DUSP16: variants seen among roughly 807,000 people sequenced by gnomAD.
DUSP16 encodes the protein dual specificity phosphatase 16, also known as dual specificity protein phosphatase 16.
Under a neutral mutation model 58.3 loss-of-function variants are expected in DUSP16, and 21 were observed. That is an observed-to-expected ratio of 0.36 (90% CI 0.26 to 0.52). The LOEUF (loss-of-function observed/expected upper bound fraction) is 0.52. Among genes scored for constraint, DUSP16 ranks in the 20% least tolerant of loss-of-function variants. DUSP16 has a pLI of 0.94. For missense variants in DUSP16, 726 were observed against 819.0 expected (o/e 0.89, Z 1.39); for synonymous variants, 320 against 323.8 (o/e 0.99, Z 0.12).
At position 12,476,737 on chromosome 12, in the gene DUSP16, T is replaced by A. The variant is rs978547301; in HGVS notation, c.*96A>T. 14 of 1,193,424 alleles carry A rather than the reference T, an allele frequency of 1.2e-5. No homozygotes were observed. Among genetic ancestry groups the A allele is most frequent in the Non-Finnish European group, 1.6e-5 (14 of 863,922 alleles). 73.9% of individuals were successfully genotyped at this position (1,193,424 alleles called of 1,614,324 possible). A position where few individuals can be genotyped will look rare whatever the true frequency, so the allele number is the denominator to read the frequency against. On this transcript the variant is annotated 3_prime_UTR_variant, in exon 7 of 7. Transcript: ENST00000298573. ...ACCATAGCTCCATTTTCCAAAAATA[T>A]ATATGTATGTACATATATATATTTC...
intron 3 of DUSP16, among the ~76,000 whole-genome samples, chr12:12,504,749 T>C (rs932733997): frequency 1.3e-5 from 2 of 150,104 alleles, no homozygotes; most frequent in African/African-American, 4.9e-5. Context: ...TGGTGGAGTA[T>C]TCCTGTAGTT....
intron 4 of DUSP16, among the ~76,000 whole-genome samples, chr12:12,493,091 T>C (rs1429107866): frequency 6.6e-6 from 1 of 152,126 alleles, no homozygotes; most frequent in Non-Finnish European, 1.5e-5. Flanking sequence ...CTCCCACCTT[T>C]ATACCTCCTC....
Position 12,562,329 on chromosome 12 carries a change from G to A in DUSP16, c.-578C>T, listed in dbSNP as rs1944918846. 6.6e-6 allele frequency: 1 copy of A among 151,524 alleles called. No individual in the cohort carries two copies. The highest frequency in any genetic ancestry group is 1.5e-5 in the Non-Finnish European group (1 of 67,892). The allele number at this position is 151,524 out of a possible 1,614,324, so 9.4% of individuals were successfully genotyped here. ...CCTTCTCTGAGGGGTGGGTTGGGGC[G>A]GGAGGCTTAGGAAGAGAGGAGACGC... On this transcript the variant is annotated 5_prime_UTR_variant, in exon 1 of 7. Coordinates refer to ENST00000298573, the MANE Select transcript of DUSP16 (RefSeq NM_030640.3).
At chr12:12,551,134 A>G (rs955808321) in intron 1 of DUSP16, among the ~76,000 whole-genome samples, 1 of 151,762 alleles carries the variant, frequency 6.6e-6, no homozygotes, top group African/African-American at 2.4e-5. Context: ...GACAATTTAC[A>G]CTTATTCAGA....
intron 1 of DUSP16, among the ~76,000 whole-genome samples, chr12:12,544,181 C>T (rs926528615): frequency 9.2e-5 from 14 of 152,062 alleles, no homozygotes; most frequent in Non-Finnish European, 1.5e-5. Context: ...AAGGTAACCA[C>T]GAACCTGACT....
intron 1 of DUSP16, among the ~76,000 whole-genome samples, chr12:12,550,855 C>T (rs570006867): frequency 1.3e-5 from 2 of 151,660 alleles, no homozygotes; most frequent in Admixed American, 6.6e-5. Flanking sequence ...CAAACCTGCA[C>T]GTGCTGCACA....
intron 4 of DUSP16, among the ~76,000 whole-genome samples, chr12:12,489,046 C>CGATCTTGT (rs1467662017): frequency 6.6e-6 from 1 of 152,212 alleles, no homozygotes; most frequent in Non-Finnish European, 1.5e-5. Context: ...CGCCATTGCA[C>CGATCTTGT]TCCAGCCTGG....
intron 1 of DUSP16, among the ~76,000 whole-genome samples, chr12:12,523,933 G>A (rs1944268938): frequency 6.6e-6 from 1 of 152,204 alleles, no homozygotes; most frequent in Non-Finnish European, 1.5e-5. Flanking sequence ...GAGAACAAGA[G>A]CAAGTTGATT....
At position 12,512,751 on chromosome 12, in the gene DUSP16, T is replaced by C. The variant is rs151251636; in HGVS notation, c.367+7111A>G. 8.5e-3 allele frequency among the ~76,000 whole-genome samples: 1,291 copies of C among 152,286 alleles called. 23 individuals carry two copies. The highest frequency in any genetic ancestry group is 0.029 in the African/African-American group (1,208 of 41,556). On this transcript the variant is annotated intron_variant, in intron 3 of 6. Coordinates refer to ENST00000298573, the MANE Select transcript of DUSP16 (RefSeq NM_030640.3). ...GTGACTCTCAGTCACTGTAGTTTTT[T>C]AGACCCAAGAGCAGCCAGTTCCTTA...
At chr12:12,554,518 T>A (rs533862201) in intron 1 of DUSP16, 5 of 152,232 alleles carry the variant, frequency 3.3e-5, no homozygotes, top group African/African-American at 1.2e-4. Flanking sequence ...GTAAAAAAAA[T>A]AACAAACTCC....
chr12:12,533,998 A>G (rs2136244497), intron 1 of DUSP16, among the ~76,000 whole-genome samples: 1 of 152,358 alleles, frequency 6.6e-6, no homozygotes, highest in Middle Eastern at 3.4e-3. Flanking sequence ...GTGAGAGTTT[A>G]TACCCTACAA....
chr12:12,557,819 C>T (rs970232818), intron 1 of DUSP16, among the ~76,000 whole-genome samples: 6 of 152,222 alleles, frequency 3.9e-5, no homozygotes, highest in African/African-American at 1.4e-4. Flanking sequence ...CAAAAACTTT[C>T]TCTTATTTTC....
rs149533131 is a variant in DUSP16, at chr12:12,501,905, G to A, written c.368-1223C>T. Among the ~76,000 whole-genome samples, 6 of 152,220 alleles carry A rather than the reference G, an allele frequency of 3.9e-5. No individual in the cohort carries two copies. In the East Asian group the frequency reaches 7.7e-4, roughly 20 times the overall value. On this transcript the variant is annotated intron_variant, in intron 3 of 6. Coordinates refer to ENST00000298573, the MANE Select transcript of DUSP16 (RefSeq NM_030640.3). ...CTCAGGAGGCTGAGGCAGGAGAATC[G>A]CTTGAACCTAGAAGGCGGAGGTTGC...
intron 5 of DUSP16, 71 bp from the exon 6 acceptor site, chr12:12,480,417 A>G: frequency 6.4e-7 from 1 of 1,564,362 alleles, no homozygotes; most frequent in Non-Finnish European, 8.7e-7. Context: ...GTTTCCATTT[A>G]CTTACTCAGT....
intron 1 of DUSP16, among the ~76,000 whole-genome samples, chr12:12,525,806 A>G (rs1461948034): frequency 6.6e-6 from 1 of 152,052 alleles, no homozygotes; most frequent in Non-Finnish European, 1.5e-5. Context: ...TAAGAAGCTG[A>G]CAAGTAACTC....
chr12:12,508,345 A>G (rs1566005913), intron 3 of DUSP16, among the ~76,000 whole-genome samples: 1 of 152,188 alleles, frequency 6.6e-6, no homozygotes, highest in Non-Finnish European at 1.5e-5. Context: ...AAAAAAAAGC[A>G]ACATAATTTC....
chr12:12,488,906 C>G (rs1160535933), intron 4 of DUSP16, among the ~76,000 whole-genome samples: 1 of 152,098 alleles, frequency 6.6e-6, no homozygotes, highest in Non-Finnish European at 1.5e-5. Context: ...ATGGAGAAAC[C>G]CCAACTCTAC....
rs1592221543 is a variant in DUSP16, at chr12:12,562,443, T to G, written c.-692A>C. On this transcript the variant is annotated 5_prime_UTR_variant, in exon 1 of 7. Transcript: ENST00000298573. ...GAAAGAGATGAAGAACTTAGGGAGG[T>G]AAAGGTGGGGGGCCGCGTTGTGAAA... 1.5e-5 allele frequency: 2 copies of G among 135,822 alleles called. No individual in the cohort carries two copies. The highest frequency in any genetic ancestry group is 2.2e-4 in the East Asian group (1 of 4,572). 8.4% of individuals were successfully genotyped at this position (135,822 alleles called of 1,614,324 possible). A position where few individuals can be genotyped will look rare whatever the true frequency, so the allele number is the denominator to read the frequency against.
chr12:12,516,072 G>A lies in DUSP16; in HGVS notation c.367+3790C>T, dbSNP rs561798168. On this transcript the variant is annotated intron_variant, in intron 3 of 6. Coordinates refer to ENST00000298573, the MANE Select transcript of DUSP16 (RefSeq NM_030640.3). ...ATTACAGGTGTAAGTCACCATGGCC[G>A]GGCAGTAATGGAGAACTTTCTAAAG... Among the ~76,000 whole-genome samples the A allele has an allele frequency of 1.5e-4, 22 of 151,704 alleles. No homozygotes were observed. In the East Asian group the frequency reaches 2.7e-3, roughly 19 times the overall value.
Sources: gnomAD v4.1 joint callset for allele counts (sites outside exome capture counted in the v4.1 genomes callset) on GRCh38, gnomAD v4.1.1 for gene constraint, MANE v1.5 for transcripts, NCBI Gene and HGNC (gene_info 2026-07-23, HGNC 2026-07-21) for gene names.